The following CGN variants were observed in gnomAD, a reference collection of about 807,000 sequenced individuals.
CGN encodes cingulin.
CGN carries 121 observed loss-of-function variants against 157.1 expected under a neutral mutation model. The observed-to-expected ratio is 0.77, with a 90% confidence interval of 0.66 to 0.90. CGN has a LOEUF of 0.90. Among genes scored for constraint, CGN ranks in the 40% least tolerant of loss-of-function variants. The probability of loss-of-function intolerance (pLI) is 0.00; values close to 1 mark genes in which losing one functional copy is unlikely to be tolerated. For missense variants in CGN, 1,424 were observed against 1,520.9 expected (o/e 0.94, Z 1.06); for synonymous variants, 535 against 607.5 (o/e 0.88, Z 1.76).
At chr1:151,510,652 T>G (rs1664260966), upstream of CGN, 1 of 152,196 alleles carries the variant, frequency 6.6e-6, no homozygotes, top group African/African-American at 2.4e-5. Context: ...AAATATTTAT[T>G]AAGCATGTAG....
chr1:151,537,456 G>C lies in CGN; in HGVS notation c.*110G>C, dbSNP rs1481382536. On this transcript the variant is annotated 3_prime_UTR_variant, in exon 21 of 21. Transcript: ENST00000271636. Reference sequence around the variant, plus strand: ...TTCCTATGGGTGACCCAATTATTCAGACCTAAGACAGGGAGGGGTCAGAGT... The same window carrying C: ...TTCCTATGGGTGACCCAATTATTCACACCTAAGACAGGGAGGGGTCAGAGT... The C allele has an allele frequency of 9.8e-6, 9 of 921,082 alleles. No homozygotes were observed. The highest frequency in any genetic ancestry group is 6.1e-4 in the Middle Eastern group (2 of 3,292). The allele number at this position is 921,082 out of a possible 1,614,324, so 57.1% of individuals were successfully genotyped here.
At position 151,518,715 on chromosome 1, in the gene CGN, G is replaced by A. The variant is rs781521435; in HGVS notation, c.196G>A (p.Val66Met). The A allele has an allele frequency of 6.2e-7, 1 of 1,614,194 alleles. No individual in the cohort carries two copies. Among genetic ancestry groups the A allele is most frequent in the Admixed American group, 1.7e-5 (1 of 60,026 alleles). ...GCAGGGAATCGCTGGGCAGCCCTTTGTGGTGCTCAACAGTGGGGAGAAAGG... is the reference window on the plus strand; with the variant it reads ...GCAGGGAATCGCTGGGCAGCCCTTTATGGTGCTCAACAGTGGGGAGAAAGG... ...RVQGIAGQPF[V>M]VLNSGEKGGD... The change falls in exon 2 of 21, where the codon GTG becomes ATG. Residue 66 changes from valine (V) to methionine (M), a missense_variant. Coordinates refer to ENST00000271636, the MANE Select transcript of CGN (RefSeq NM_020770.3).
At chr1:151,520,099 C>A in intron 2 of CGN, 67 bp from the exon 3 acceptor site, 1 of 1,283,228 alleles carries the variant, frequency 7.8e-7, no homozygotes, top group Non-Finnish European at 1.1e-6. Context: ...CCCACGCATG[C>A]TTCTGGCCTA....
intron 15 of CGN, chr1:151,534,730 C>T (rs1357197018): frequency 3.1e-6 from 1 of 323,884 alleles, no homozygotes; most frequent in Admixed American, 4.7e-5. Flanking sequence ...CAGCCTTGGC[C>T]CAGGTACTTG....
At chr1:151,517,450 T>C (rs1664440057) in intron 1 of CGN, among the ~76,000 whole-genome samples, 1 of 151,824 alleles carries the variant, frequency 6.6e-6, no homozygotes, top group South Asian at 2.1e-4. Context: ...AGGTATCTGC[T>C]CAGCAGGGTG....
rs544756466 is a variant in CGN at position 151,528,105 on chromosome 1, A to G, written c.1896+998A>G. On this transcript the variant is annotated intron_variant, in intron 10 of 20. Transcript: ENST00000271636. ...CGAGTTGCTGGGACTACAGGCGCCC[A>G]CCACCACGCCCGGCTAATTTTTTTT... Among the ~76,000 whole-genome samples the G allele has an allele frequency of 7.5e-4, 113 of 150,630 alleles. 1 individual carries two copies. Among genetic ancestry groups the G allele is most frequent in the East Asian group, 3.9e-3 (20 of 5,072 alleles).
At position 151,518,893 on chromosome 1, in the gene CGN, G is replaced by A; in HGVS notation, c.374G>A (p.Gly125Glu). ...SQSSTSDEEP[G>E]AYWNGKLLRS... ...AGCAGCACATCTGATGAGGAGCCTG[G>A]GGCCTACTGGAATGGAAAGCTACTC... is the stretch of plus-strand genomic sequence containing the variant. Residue 125 changes from glycine (G) to glutamate (E), a missense_variant, in exon 2 of 21, where the codon GGG (glycine) becomes GAG (glutamate). Gly to Glu is a moderately conservative substitution (Grantham distance 98, BLOSUM62 -2). Coordinates refer to ENST00000271636, the MANE Select transcript of CGN (RefSeq NM_020770.3). 1 of 1,614,064 alleles carries A rather than the reference G, an allele frequency of 6.2e-7. No homozygotes were observed. The highest frequency in any genetic ancestry group is 2.2e-5 in the East Asian group (1 of 44,870).
chr1:151,513,248 G>A (rs1571652344), intron 1 of CGN, among the ~76,000 whole-genome samples: 2 of 152,128 alleles, frequency 1.3e-5, no homozygotes, highest in Admixed American at 1.3e-4. Context: ...TAGTTTCCCC[G>A]GCCCTCCCCT....
chr1:151,515,504 TACTC>T (rs1274340302), intron 1 of CGN: 9 of 152,258 alleles, frequency 5.9e-5, no homozygotes, highest in Non-Finnish European at 1.2e-4. Flanking sequence ...GACAGAGTCT[TACTC>T]TATTGCCCAA....
intron 13 of CGN, 106 bp downstream of exon 13, chr1:151,530,852 T>C: frequency 8.1e-7 from 1 of 1,236,966 alleles, no homozygotes; most frequent in South Asian, 1.4e-5. Flanking sequence ...GAATGTGTGA[T>C]GATTATGGCC....
At chr1:151,533,140 T>TA (rs1203527366) in intron 14 of CGN, among the ~76,000 whole-genome samples, 1 of 152,200 alleles carries the variant, frequency 6.6e-6, no homozygotes, top group East Asian at 1.9e-4. Flanking sequence ...GATCAGAATT[T>TA]AAAAAAACTC....
rs748687365 is a variant in CGN at position 151,530,637 on chromosome 1, G to A, written c.2462G>A (p.Arg821Gln). ...RLGQEQQTLN[R>Q]ALEEEGKQRE... is the part of the protein sequence containing the mutation. The stretch of plus-strand genomic sequence containing the variant: ...GGGCAGGAGCAGCAGACACTGAACC[G>A]GGCCCTGGAGGAGGAAGGGAAGCAG... Residue 821 changes from arginine to glutamine, a missense_variant, in exon 13 of 21, where the codon CGG becomes CAG. This residue lies in a region of CGN where 1,187 missense variants were observed against 1,217.6 expected (regional missense o/e 0.97). Coordinates refer to ENST00000271636, the MANE Select transcript of CGN (RefSeq NM_020770.3). 3.0e-5 allele frequency: 48 copies of A among 1,599,696 alleles called. No homozygotes were observed. Among genetic ancestry groups the A allele is most frequent in the Non-Finnish European group, 3.3e-5 (39 of 1,172,676 alleles).
chr1:151,529,281 C>G (rs891041313), intron 10 of CGN, 69 bp from the exon 11 acceptor site: 6 of 1,349,164 alleles, frequency 4.4e-6, no homozygotes, highest in Non-Finnish European at 6.3e-6. Flanking sequence ...ATGAGAGTTT[C>G]AGCTTCTCCA....
intron 11 of CGN, 121 bp downstream of exon 11, chr1:151,529,680 G>C (rs553909184): frequency 2.1e-6 from 2 of 957,894 alleles, no homozygotes; most frequent in African/African-American, 3.3e-5. Flanking sequence ...CTGGGTCCTA[G>C]GCATGTGGTT....
chr1:151,514,202 G>A (rs1306228604), intron 1 of CGN, among the ~76,000 whole-genome samples: 2 of 127,508 alleles, frequency 1.6e-5, no homozygotes, highest in East Asian at 3.9e-4. Flanking sequence ...AGGTTAGGGA[G>A]TTAACCTAAC....
At chr1:151,533,418 G>C (rs982684698) in intron 14 of CGN, among the ~76,000 whole-genome samples, 1 of 152,012 alleles carries the variant, frequency 6.6e-6, no homozygotes. Context: ...GGAGGTTGCA[G>C]TGAGCCGCGA....
At chr1:151,525,380 C>A (rs1664648278) in intron 8 of CGN, among the ~76,000 whole-genome samples, 1 of 152,028 alleles carries the variant, frequency 6.6e-6, no homozygotes, top group African/African-American at 2.4e-5. Context: ...CCCTGGGCAA[C>A]ACAGCGAGAC....
rs551575543 is a variant in CGN at position 151,523,666 on chromosome 1, C to T, written c.1268+105C>T. ...GGTTGAAGGAGACAGAAGGAAATCT[C>T]CAGAAGCTGAAAGGGGCAGTGTTGG... On this transcript the variant is annotated intron_variant, in intron 6 of 20. Coordinates refer to ENST00000271636, the MANE Select transcript of CGN (RefSeq NM_020770.3). The T allele has an allele frequency of 4.1e-5, 49 of 1,186,540 alleles. No individual in the cohort carries two copies. In the East Asian group the frequency reaches 1.2e-3, roughly 29 times the overall value. 73.5% of individuals were successfully genotyped at this position (1,186,540 alleles called of 1,614,324 possible). A position where few individuals can be genotyped will look rare whatever the true frequency, so the allele number is the denominator to read the frequency against.
chr1:151,524,069 G>A lies in CGN; in HGVS notation c.1269-157G>A, dbSNP rs947946859. Among the ~76,000 whole-genome samples the A allele has an allele frequency of 6.6e-6, 1 of 152,178 alleles. No homozygotes were observed. Among genetic ancestry groups the A allele is most frequent in the African/African-American group, 2.4e-5 (1 of 41,442 alleles). ...CAACAGGGTAAGGCAGATCAGGAGGGCCAGGTTGTAGCGGGGCAGGTTGCA... is the reference window on the plus strand; with the variant it reads ...CAACAGGGTAAGGCAGATCAGGAGGACCAGGTTGTAGCGGGGCAGGTTGCA... On this transcript the variant is annotated intron_variant, in intron 6 of 20. Coordinates refer to ENST00000271636, the MANE Select transcript of CGN (RefSeq NM_020770.3). This position sits in a 1 kb window ranked among gnomAD's most constrained non-coding sequence, Gnocchi z 4.4.
Sources: allele counts gnomAD v4.1 joint callset (sites outside exome capture counted in the v4.1 genomes callset), GRCh38; gene constraint gnomAD v4.1.1; regional missense constraint gnomAD v4.1.1; non-coding constraint Gnocchi (gnomAD v3.1); transcripts MANE v1.5; gene names NCBI Gene and HGNC (gene_info 2026-07-23, HGNC 2026-07-21).